GALNTL6: variants seen among roughly 807,000 people sequenced by gnomAD.
GALNTL6 encodes the protein polypeptide N-acetylgalactosaminyltransferase-like 6.
A neutral mutation model predicts 73.7 loss-of-function variants in GALNTL6; 46 were observed. That is an observed-to-expected ratio of 0.62 (90% CI 0.49 to 0.80). GALNTL6 has a LOEUF of 0.80. GALNTL6 is among the 30% of genes least tolerant of loss of function. The pLI is 0.00. For synonymous variants in GALNTL6, 259 were observed against 263.7 expected (o/e 0.98, Z 0.17); for missense variants, 604 against 755.0 (o/e 0.80, Z 2.34).
chr4:172,444,218 C>G (rs1350237924), intron 5 of GALNTL6, among the ~76,000 whole-genome samples: 1 of 152,202 alleles, frequency 6.6e-6, no homozygotes, highest in Non-Finnish European at 1.5e-5. Context: ...TATGACTTCT[C>G]AGTTCAAACC....
Position 172,490,928 on chromosome 4 carries a change from A to T in GALNTL6, c.553+142239A>T, listed in dbSNP as rs145509082. On this transcript the variant is annotated intron_variant, in intron 5 of 12. Transcript: ENST00000506823. ...ATTTATAAGTATTTATGAAGCACAT[A>T]TCTCTCCCATATGCCAAGCAAGGAG... Among the ~76,000 whole-genome samples, 1,248 of 152,276 alleles carry T rather than the reference A, an allele frequency of 8.2e-3. 7 individuals carry two copies. Among genetic ancestry groups the T allele is most frequent in the Non-Finnish European group, 0.013 (906 of 67,998 alleles).
At chr4:172,748,076 G>A (rs1189964976) in intron 5 of GALNTL6, among the ~76,000 whole-genome samples, 1 of 152,004 alleles carries the variant, frequency 6.6e-6, no homozygotes, top group Non-Finnish European at 1.5e-5. Flanking sequence ...GCAAGACTTA[G>A]GTTAAGCTTC....
At chr4:172,728,015 C>T (rs549163919) in intron 5 of GALNTL6, among the ~76,000 whole-genome samples, 19 of 152,022 alleles carry the variant, frequency 1.2e-4, no homozygotes, top group Admixed American at 9.2e-4. Context: ...TGGGTTCAAG[C>T]GATTCTCCTG....
chr4:172,722,626 TATTGA>T (rs1451539050), intron 5 of GALNTL6, among the ~76,000 whole-genome samples: 2 of 152,108 alleles, frequency 1.3e-5, no homozygotes, highest in East Asian at 3.9e-4. Context: ...TCAGAAAACA[TATTGA>T]AAAATGAAAA....
intron 5 of GALNTL6, among the ~76,000 whole-genome samples, chr4:172,436,058 T>C (rs539730607): frequency 8.5e-5 from 13 of 152,164 alleles, no homozygotes; most frequent in Non-Finnish European, 1.9e-4. Flanking sequence ...CTCCTTTCCG[T>C]ATCTAAATGG....
intron 5 of GALNTL6, among the ~76,000 whole-genome samples, chr4:172,415,174 A>G (rs968447587): frequency 1.3e-5 from 2 of 152,222 alleles, no homozygotes; most frequent in African/African-American, 2.4e-5. Flanking sequence ...ATCGGTTTAC[A>G]TGGCTGAGCA....
At chr4:172,682,869 A>T (rs557017547) in intron 5 of GALNTL6, among the ~76,000 whole-genome samples, 79 of 152,244 alleles carry the variant, frequency 5.2e-4, no homozygotes, top group African/African-American at 1.8e-3. Context: ...TAGAAAAAAA[A>T]ATCTGAGCCA....
chr4:172,500,600 G>A (rs1734226823), intron 5 of GALNTL6, among the ~76,000 whole-genome samples: 1 of 151,546 alleles, frequency 6.6e-6, no homozygotes, highest in Non-Finnish European at 1.5e-5. Flanking sequence ...CCAACTGTGA[G>A]TTCCATGTCT....
intron 2 of GALNTL6, among the ~76,000 whole-genome samples, chr4:172,058,248 A>G (rs1159996669): frequency 6.6e-6 from 1 of 152,030 alleles, no homozygotes; most frequent in African/African-American, 2.4e-5. Flanking sequence ...GTGAGCCACC[A>G]TGCCTACCCT....
intron 5 of GALNTL6, among the ~76,000 whole-genome samples, chr4:172,545,351 A>G (rs2110885071): frequency 6.6e-6 from 1 of 152,208 alleles, no homozygotes; most frequent in Non-Finnish European, 1.5e-5. Context: ...CGTGGGTAAG[A>G]GAACGTGAGT....
At chr4:172,264,250 A>G (rs556784847) in intron 3 of GALNTL6, among the ~76,000 whole-genome samples, 1 of 151,230 alleles carries the variant, frequency 6.6e-6, no homozygotes, top group Non-Finnish European at 1.5e-5. Flanking sequence ...TGTTCACTCT[A>G]TATGGGTCTT....
intron 5 of GALNTL6, among the ~76,000 whole-genome samples, chr4:172,765,226 A>G (rs1738339447): frequency 6.6e-6 from 1 of 152,248 alleles, no homozygotes; most frequent in African/African-American, 2.4e-5. Context: ...TGGAGAATGC[A>G]GAAGGATCAA....
At chr4:172,981,015 T>C (rs1388244645) in intron 10 of GALNTL6, among the ~76,000 whole-genome samples, 1 of 152,224 alleles carries the variant, frequency 6.6e-6, no homozygotes, top group Non-Finnish European at 1.5e-5. Flanking sequence ...CATGTCGTTG[T>C]ATGTATCAGA....
chr4:172,559,295 A>T (rs919227588), intron 5 of GALNTL6, among the ~76,000 whole-genome samples: 1 of 151,798 alleles, frequency 6.6e-6, no homozygotes, highest in Non-Finnish European at 1.5e-5. Flanking sequence ...TGATCTCCTG[A>T]TCTCGTGATC....
intron 5 of GALNTL6, among the ~76,000 whole-genome samples, chr4:172,803,666 C>A (rs537819658): frequency 1.2e-3 from 186 of 152,276 alleles, no homozygotes; most frequent in Non-Finnish European, 2.2e-3. Flanking sequence ...TCCATTAATT[C>A]ATTAGGAGTT....
At chr4:172,347,093 G>A (rs992606727) in intron 4 of GALNTL6, among the ~76,000 whole-genome samples, 3 of 149,396 alleles carry the variant, frequency 2.0e-5, no homozygotes, top group Non-Finnish European at 3.0e-5. Flanking sequence ...GGGTTCAAGC[G>A]ATTCTTTTGC....
intron 2 of GALNTL6, among the ~76,000 whole-genome samples, chr4:172,089,360 A>C (rs1732133792): frequency 6.6e-6 from 1 of 152,192 alleles, no homozygotes; most frequent in South Asian, 2.1e-4. Context: ...AGACAGCGGC[A>C]ATCTGACAGA....
chr4:171,925,316 C>G, intron 2 of GALNTL6, among the ~76,000 whole-genome samples: 1 of 152,034 alleles, frequency 6.6e-6, no homozygotes, highest in Non-Finnish European at 1.5e-5. Flanking sequence ...AAAAGGGATT[C>G]TTTTGTAAAA....
At chr4:172,735,471 G>T (rs1031207409) in intron 5 of GALNTL6, among the ~76,000 whole-genome samples, 6 of 152,174 alleles carry the variant, frequency 3.9e-5, no homozygotes, top group Admixed American at 3.9e-4. Context: ...TAACTAACTT[G>T]CTTTTGATTT....
Sources: allele counts gnomAD v4.1 joint callset (sites outside exome capture counted in the v4.1 genomes callset), GRCh38; gene constraint gnomAD v4.1.1; transcripts MANE v1.5; gene names NCBI Gene and HGNC (gene_info 2026-07-23, HGNC 2026-07-21).